The following MTR variants were observed in gnomAD, a reference collection of about 807,000 sequenced individuals.
The protein encoded by MTR is methionine synthase.
MTR carries 84 observed loss-of-function variants against 154.8 expected under a neutral mutation model. The ratio of observed to expected loss-of-function variants is 0.54; its 90% CI spans 0.45 to 0.65. The LOEUF (loss-of-function observed/expected upper bound fraction) is 0.65, where lower values mean the gene tolerates loss of function less well. Among genes scored for constraint, MTR ranks in the 30% least tolerant of loss-of-function variants. The pLI is 0.00. For missense variants in MTR, 1,275 were observed against 1,570.2 expected, an observed-to-expected ratio of 0.81 and a Z score of 3.18; for synonymous variants, 554 against 553.9, an observed-to-expected ratio of 1.00 and a Z score of 0.00.
At position 236,832,072 on chromosome 1, in the gene MTR, C is replaced by T; in HGVS notation, c.1182C>T (p.Asn394=). 6.2e-7 allele frequency: 1 copy of T among 1,612,264 alleles called. No individual in the cohort carries two copies. Among genetic ancestry groups the T allele is most frequent in the East Asian group, 2.2e-5 (1 of 44,876 alleles). Residue 394 remains asparagine (N), a synonymous_variant, in exon 13 of 33, where the codon AAC becomes AAT. Coordinates refer to ENST00000366577, the MANE Select transcript of MTR (RefSeq NM_000254.3). ...RKFAKLIMAG[N]YEEALCVAKV... ...TTGCTAAACTCATCATGGCAGGAAA[C>T]TATGAAGTGAGCATCTTAATAAGAC...
chr1:236,852,737 T>A (rs1663982836), intron 17 of MTR, 100 bp downstream of exon 17: 2 of 1,198,404 alleles, frequency 1.7e-6, no homozygotes, highest in East Asian at 2.3e-5. Context: ...TGCTGCCAGT[T>A]TCTGTAAATA....
intron 25 of MTR, among the ~76,000 whole-genome samples, chr1:236,881,686 A>C (rs1665744642): frequency 6.6e-6 from 1 of 152,146 alleles, no homozygotes; most frequent in Admixed American, 6.5e-5. Flanking sequence ...GACCTGGACT[A>C]GGGTGACCGC....
intron 15 of MTR, among the ~76,000 whole-genome samples, chr1:236,845,632 C>T (rs995210644): frequency 1.3e-5 from 2 of 152,110 alleles, no homozygotes; most frequent in Non-Finnish European, 2.9e-5. Context: ...TGTAACAGCC[C>T]AAGTGCCCAA....
chr1:236,860,706 A>G (rs1664485294), intron 19 of MTR, among the ~76,000 whole-genome samples: 1 of 152,228 alleles, frequency 6.6e-6, no homozygotes, highest in Non-Finnish European at 1.5e-5. Context: ...AAGATACAAA[A>G]TGGATTTTAT....
At chr1:236,891,029 A>AAG in intron 28 of MTR, 104 bp from the exon 29 acceptor site, 1 of 1,299,004 alleles carries the variant, frequency 7.7e-7, no homozygotes, top group Non-Finnish European at 1.1e-6. Flanking sequence ...GAGAAGCCTG[A>AAG]AGAGGGAAGG....
At chr1:236,803,278 C>A in intron 1 of MTR, 150 bp from the exon 2 acceptor site, 2 of 774,494 alleles carry the variant, frequency 2.6e-6, no homozygotes, top group Non-Finnish European at 4.3e-6. Context: ...CCTTTTTGGG[C>A]AGCGTTTTCC....
At chr1:236,841,028 C>T (rs1289157919) in intron 15 of MTR, among the ~76,000 whole-genome samples, 1 of 152,144 alleles carries the variant, frequency 6.6e-6, no homozygotes, top group Non-Finnish European at 1.5e-5. Flanking sequence ...AATAGTTAGA[C>T]AAATAGTTCC....
chr1:236,870,198 A>G (rs1008976461), intron 22 of MTR, among the ~76,000 whole-genome samples: 12 of 152,176 alleles, frequency 7.9e-5, no homozygotes, highest in Admixed American at 3.3e-4. Flanking sequence ...CCTCTAATCA[A>G]TAGTACATTT....
At chr1:236,864,473 G>C (rs944358657) in intron 22 of MTR, among the ~76,000 whole-genome samples, 3 of 152,122 alleles carry the variant, frequency 2.0e-5, no homozygotes, top group Admixed American at 6.6e-5. Context: ...TGTCAGGAAG[G>C]CATTTTTTTT....
chr1:236,832,124 G>C (rs1482416102), intron 13 of MTR, 46 bp downstream of exon 13: 1 of 1,424,624 alleles, frequency 7.0e-7, no homozygotes, highest in Non-Finnish European at 9.9e-7. Flanking sequence ...CATGTCTTTG[G>C]CTAGACAGCA....
chr1:236,820,563 G>A, intron 8 of MTR: 3 of 560,498 alleles, frequency 5.4e-6, no homozygotes, highest in Non-Finnish European at 9.5e-6. Flanking sequence ...AAATAAGGCT[G>A]ATGGAAAATA....
At chr1:236,800,296 T>C in intron 1 of MTR, 1 of 985,432 alleles carries the variant, frequency 1.0e-6, no homozygotes, top group East Asian at 1.1e-4. Context: ...TTTTTCTCCC[T>C]AGGAAGTTTG....
intron 28 of MTR, among the ~76,000 whole-genome samples, chr1:236,890,176 G>T (rs989337374): frequency 6.6e-6 from 1 of 152,080 alleles, no homozygotes; most frequent in East Asian, 1.9e-4. Flanking sequence ...GTGCGTGTTC[G>T]GATGCTGAGA....
At position 236,897,980 on chromosome 1, in the gene MTR, A is replaced by C. The variant is rs1384466892; in HGVS notation, c.*336A>C. ...TGCTTTTTTCTGTTTTTACAGTGGAATCTAGGAGGCCACTTAGTCGTCTTT... is the reference window on the plus strand; with the variant it reads ...TGCTTTTTTCTGTTTTTACAGTGGACTCTAGGAGGCCACTTAGTCGTCTTT... On this transcript the variant is annotated 3_prime_UTR_variant, in exon 33 of 33. Transcript: ENST00000366577. The C allele has an allele frequency of 7.1e-6, 2 of 283,660 alleles. No individual in the cohort carries two copies. Among genetic ancestry groups the C allele is most frequent in the Non-Finnish European group, 1.3e-5 (2 of 150,794 alleles). The allele number at this position is 283,660 out of a possible 1,614,324, so 17.6% of individuals were successfully genotyped here.
At chr1:236,866,985 C>G (rs1295203645) in intron 22 of MTR, among the ~76,000 whole-genome samples, 1 of 152,208 alleles carries the variant, frequency 6.6e-6, no homozygotes, top group Non-Finnish European at 1.5e-5. Context: ...CATAATGGTA[C>G]AAGGTGAAGT....
chr1:236,859,091 A>G (rs1056335519), intron 18 of MTR, among the ~76,000 whole-genome samples: 2 of 152,244 alleles, frequency 1.3e-5, no homozygotes, highest in African/African-American at 4.8e-5. Flanking sequence ...GGAATACCAA[A>G]GACTGGATAA....
chr1:236,848,592 G>T (rs1176870930), intron 15 of MTR, among the ~76,000 whole-genome samples: 1 of 152,144 alleles, frequency 6.6e-6, no homozygotes, highest in Non-Finnish European at 1.5e-5. Flanking sequence ...TGAAGGCAGA[G>T]GAAGTAAGCA....
chr1:236,818,327 C>T (rs1661718707), intron 8 of MTR, among the ~76,000 whole-genome samples: 1 of 131,770 alleles, frequency 7.6e-6, no homozygotes, highest in African/African-American at 2.5e-5. Flanking sequence ...ATAGTCTTTC[C>T]TAGCGATTAG....
intron 26 of MTR, among the ~76,000 whole-genome samples, chr1:236,885,546 G>A (rs1308877965): frequency 2.0e-5 from 3 of 152,160 alleles, no homozygotes; most frequent in Non-Finnish European, 4.4e-5. Flanking sequence ...CTGAAACAGT[G>A]TACTGAAATG....
Sources: gnomAD v4.1 joint callset for allele counts (sites outside exome capture counted in the v4.1 genomes callset) on GRCh38, gnomAD v4.1.1 for gene constraint, MANE v1.5 for transcripts, NCBI Gene and HGNC (gene_info 2026-07-23, HGNC 2026-07-21) for gene names.